The following CTSH variants were observed in gnomAD, a reference collection of about 807,000 sequenced individuals.
The protein encoded by CTSH is pro-cathepsin H.
Under a neutral mutation model 56.3 loss-of-function variants are expected in CTSH, and 52 were observed. The ratio of observed to expected loss-of-function variants is 0.92; its 90% CI spans 0.74 to 1.16. The LOEUF is 1.16. Ranked by LOEUF, CTSH falls within the 50% of genes most tolerant of loss-of-function variation. The probability of loss-of-function intolerance (pLI) is 0.00; values close to 1 mark genes in which losing one functional copy is unlikely to be tolerated. For synonymous variants in CTSH, 174 were observed against 155.7 expected (o/e 1.12, Z -0.88); for missense variants, 406 against 424.5 (o/e 0.96, Z 0.38).
chr15:78,923,090 C>CTT lies in CTSH; in HGVS notation c.833_834dup (p.Val279LysfsTer2), dbSNP rs753413218. ...CCAACAGCCAGTACTGCATGGTTTA[C>CTT]TTTATCTGGAGTTTTATGGCAGGAA... On this transcript the variant is annotated frameshift_variant, in exon 11 of 12. Coordinates refer to ENST00000220166, the MANE Select transcript of CTSH (RefSeq NM_004390.5). LOFTEE classifies it high-confidence loss of function. The CTT allele has an allele frequency of 6.2e-7, 1 of 1,612,154 alleles. No individual in the cohort carries two copies. The highest frequency in any genetic ancestry group is 1.3e-5 in the African/African-American group (1 of 74,804).
At chr15:78,934,343 C>A (rs554266029) in intron 5 of CTSH, among the ~76,000 whole-genome samples, 278 of 152,332 alleles carry the variant, frequency 1.8e-3, no homozygotes, top group African/African-American at 6.1e-3. Flanking sequence ...AAGAAGGCCA[C>A]GGCAGGTTCC....
intron 3 of CTSH, chr15:78,937,010 C>G (rs942244751): frequency 2.1e-5 from 7 of 333,622 alleles, no homozygotes; most frequent in African/African-American, 1.3e-4. Context: ...CAACCCCTAC[C>G]CCCCGCAACA....
At position 78,933,600 on chromosome 15, in the gene CTSH, G is replaced by A. The variant is rs1162335342; in HGVS notation, c.406-1142C>T. ...GCCTGGTGAGAGGGTCCATGAGACA[G>A]TCAACGAGGCAGACGTGGCCACTTC... On this transcript the variant is annotated intron_variant, in intron 5 of 11. Transcript: ENST00000220166. The A allele has an allele frequency of 1.6e-5, 7 of 449,032 alleles. No individual in the cohort carries two copies. The East Asian group carries it at 4.9e-4, about 31-fold the overall frequency. 27.8% of individuals were successfully genotyped at this position (449,032 alleles called of 1,614,324 possible).
chr15:78,931,387 G>A (rs1369683251), intron 7 of CTSH, 64 bp downstream of exon 7: 2 of 1,600,188 alleles, frequency 1.2e-6, no homozygotes, highest in African/African-American at 2.7e-5. Context: ...GCACACACTG[G>A]ATCCTGTCGA....
Position 78,932,432 on chromosome 15 carries a change from G to C in CTSH, c.432C>G (p.Phe144Leu). ...CAGACTCCAGGGCCCCAGTGGTGGA[G>C]AAAGTCCAGCAACTGCCGCAGGCAC... ...NQGACGSCWT[F>L]STTGALESAI... Residue 144 changes from phenylalanine to leucine, a missense_variant, in exon 6 of 12, where the codon TTC becomes TTG. Coordinates refer to ENST00000220166, the MANE Select transcript of CTSH (RefSeq NM_004390.5). 2.5e-6 allele frequency: 4 copies of C among 1,614,086 alleles called. No individual in the cohort carries two copies. Among genetic ancestry groups the C allele is most frequent in the Non-Finnish European group, 3.4e-6 (4 of 1,179,972 alleles).
At chr15:78,937,590 C>T in intron 2 of CTSH, 167 bp from the exon 3 acceptor site, 1 of 1,410,940 alleles carries the variant, frequency 7.1e-7, no homozygotes, top group South Asian at 1.5e-5. Context: ...TGGGAAGTTA[C>T]AAAACAACCC....
Position 78,931,504 on chromosome 15 carries a change from C to G in CTSH, c.495G>C (p.Ala165=). ...AIATGKMLSL[A]EQQLVDCAQD... The stretch of plus-strand genomic sequence containing the variant: ...GGGCGCAGTCCACCAGCTGCTGTTC[C>G]GCCTGGAAGAAGGACACAACCCAGT... Residue 165 remains alanine (A), a splice_region_variant and synonymous_variant, in exon 7 of 12, where the codon GCG becomes GCC. Transcript: ENST00000220166. The G allele has an allele frequency of 6.2e-7, 1 of 1,614,218 alleles. No individual in the cohort carries two copies. Among genetic ancestry groups the G allele is most frequent in the Non-Finnish European group, 8.5e-7 (1 of 1,180,036 alleles).
Position 78,922,088 on chromosome 15 carries a change from T to A in CTSH, c.*42A>T, listed in dbSNP as rs1409193784. On this transcript the variant is annotated 3_prime_UTR_variant, in exon 12 of 12. Transcript: ENST00000220166. ...TTTCCACCCAGGCCCAGGCTGCCCG[T>A]TCCTCTCCTTCTCCGCCAGTCTGCG... The A allele has an allele frequency of 2.0e-6, 3 of 1,538,022 alleles. No individual in the cohort carries two copies. The South Asian group carries it at 3.6e-5, about 18-fold the overall frequency.
At position 78,932,418 on chromosome 15, in the gene CTSH, G is replaced by T. The variant is rs1332826573; in HGVS notation, c.446C>A (p.Ala149Asp). Residue 149 changes from alanine (A) to aspartate (D), a missense_variant, in exon 6 of 12, where the codon GCC becomes GAC. Transcript: ENST00000220166. ...GSCWTFSTTG[A>D]LESAIAIATG... ...TGCGATGGCGATCGCAGACTCCAGG[G>T]CCCCAGTGGTGGAGAAAGTCCAGCA... 1 of 1,614,108 alleles carries T rather than the reference G, an allele frequency of 6.2e-7. No individual in the cohort carries two copies. Among genetic ancestry groups the T allele is most frequent in the Admixed American group, 1.7e-5 (1 of 60,022 alleles).
At chr15:78,925,268 G>C (rs2054878056) in intron 10 of CTSH, 66 bp downstream of exon 10, 3 of 994,334 alleles carry the variant, frequency 3.0e-6, no homozygotes, top group East Asian at 2.4e-5. Flanking sequence ...TCCCACGAGT[G>C]GGGTGTGAGG....
At chr15:78,934,431 G>A (rs2055130063) in intron 5 of CTSH, among the ~76,000 whole-genome samples, 1 of 152,224 alleles carries the variant, frequency 6.6e-6, no homozygotes, top group Admixed American at 6.5e-5. Context: ...GGCCTGTGCT[G>A]AGATGCCCCC....
chr15:78,931,387 G>C, intron 7 of CTSH, 64 bp downstream of exon 7: 1 of 1,600,306 alleles, frequency 6.2e-7, no homozygotes, highest in Non-Finnish European at 8.6e-7. Context: ...GCACACACTG[G>C]ATCCTGTCGA....
chr15:78,938,701 C>G (rs1230399988), intron 2 of CTSH, among the ~76,000 whole-genome samples: 1 of 152,192 alleles, frequency 6.6e-6, no homozygotes, highest in Non-Finnish European at 1.5e-5. Context: ...GCTATTGTGA[C>G]TAGTTCTGCA....
chr15:78,932,248 G>A lies in CTSH; in HGVS notation c.492+124C>T, dbSNP rs190779085. The A allele has an allele frequency of 4.7e-5, 42 of 889,636 alleles. 1 individual carries two copies. In the East Asian group the frequency reaches 1.0e-3, roughly 21 times the overall value. The allele number at this position is 889,636 out of a possible 1,614,324, so 55.1% of individuals were successfully genotyped here. ...CTCATGCCAGATGTCCACAAGGCTG[G>A]GGCATCTGGGTCCACCTGAAACAGC... On this transcript the variant is annotated intron_variant, in intron 6 of 11. Coordinates refer to ENST00000220166, the MANE Select transcript of CTSH (RefSeq NM_004390.5).
chr15:78,936,725 G>A (rs569113236), intron 3 of CTSH, among the ~76,000 whole-genome samples: 2 of 151,246 alleles, frequency 1.3e-5, no homozygotes, highest in African/African-American at 4.9e-5. Context: ...CACCTCCCGG[G>A]ATCAAGTGAT....
In CTSH at chr15:78,925,348, G is replaced by C. The variant is rs2044226; in HGVS notation, c.792C>G (p.Thr264=). Residue 264 remains threonine (T), a synonymous_variant, in exon 10 of 12, where the codon ACC becomes ACG. Transcript: ENST00000220166. Reference sequence around the variant, plus strand: ...CCCTGACTCACCTGGAGTAGATGCCGGTTCTATACATCATGAAGTCCTGAG... The same window carrying C: ...CCCTGACTCACCTGGAGTAGATGCCCGTTCTATACATCATGAAGTCCTGAG... ...EVTQDFMMYR[T]GIYSSTSCHK... 1,611,897 of 1,612,070 alleles carry C rather than the reference G, an allele frequency of 1. 805,862 individuals carry two copies. The highest frequency in any genetic ancestry group is 1 in the Middle Eastern group (6,054 of 6,054).
At chr15:78,936,382 A>G (rs1183255012) in intron 3 of CTSH, among the ~76,000 whole-genome samples, 8 of 151,096 alleles carry the variant, frequency 5.3e-5, no homozygotes, top group Admixed American at 2.6e-4. Context: ...GGGTTTTGCC[A>G]TGTTGGCCAG....
intron 10 of CTSH, among the ~76,000 whole-genome samples, chr15:78,924,848 C>T (rs2054867360): frequency 7.0e-6 from 1 of 142,182 alleles, no homozygotes; most frequent in Admixed American, 7.1e-5. Context: ...CACCACCACG[C>T]TGGCTTTTTT....
chr15:78,923,227 G>C lies in CTSH; in HGVS notation c.807-109C>G. On this transcript the variant is annotated intron_variant, in intron 10 of 11. Coordinates refer to ENST00000220166, the MANE Select transcript of CTSH (RefSeq NM_004390.5). Reference sequence around the variant, plus strand: ...GCTTTAGAGCAATGTTCCCCACAGCGGACCAGGGAGGCATGTAAGGTGGTG... The same window carrying C: ...GCTTTAGAGCAATGTTCCCCACAGCCGACCAGGGAGGCATGTAAGGTGGTG... 3 of 1,153,010 alleles carry C rather than the reference G, an allele frequency of 2.6e-6. No homozygotes were observed. In the East Asian group the frequency reaches 7.4e-5, roughly 28 times the overall value. The allele number at this position is 1,153,010 out of a possible 1,614,324, so 71.4% of individuals were successfully genotyped here. A position where few individuals can be genotyped will look rare whatever the true frequency, so the allele number is the denominator to read the frequency against.
Sources: gnomAD v4.1 joint callset for allele counts (sites outside exome capture counted in the v4.1 genomes callset) on GRCh38, gnomAD v4.1.1 for gene constraint, MANE v1.5 for transcripts, NCBI Gene and HGNC (gene_info 2026-07-23, HGNC 2026-07-21) for gene names.